Variants in CPQ observed in about 807,000 individuals in gnomAD.
CPQ encodes carboxypeptidase Q, also known as Ser-Met dipeptidase.
In CPQ, 37 loss-of-function variants were observed where a neutral mutation model predicts 45.7. The observed-to-expected ratio is 0.81, with a 90% CI of 0.62 to 1.07. The LOEUF is 1.07. Among genes scored for constraint, CPQ ranks in the 50% least tolerant of loss-of-function variants. The probability of loss-of-function intolerance (pLI) is 0.00; values close to 1 mark genes in which losing one functional copy is unlikely to be tolerated. For missense variants in CPQ, 537 were observed against 572.9 expected (o/e 0.94, Z 0.64); for synonymous variants, 186 against 205.8 (o/e 0.90, Z 0.82).
Position 97,029,400 on chromosome 8 carries a change from C to T in CPQ, c.962-3C>T. On this transcript the variant is annotated splice_region_variant and splice_polypyrimidine_tract_variant and intron_variant, in intron 5 of 7. Transcript: ENST00000220763. ...TCACTTTTTTATTTTATTATTTTCCCAGGGCTGCGTCCAAAGAGGACTCTG... is the reference window on the plus strand; with the variant it reads ...TCACTTTTTTATTTTATTATTTTCCTAGGGCTGCGTCCAAAGAGGACTCTG... 1 of 1,597,104 alleles carries T rather than the reference C, an allele frequency of 6.3e-7. No homozygotes were observed. Among genetic ancestry groups the T allele is most frequent in the Middle Eastern group, 1.7e-4 (1 of 5,984 alleles).
intron 6 of CPQ, among the ~76,000 whole-genome samples, chr8:97,029,815 A>G (rs1809866470): frequency 6.6e-6 from 1 of 151,972 alleles, no homozygotes; most frequent in Non-Finnish European, 1.5e-5. Context: ...ATAGGCAAAC[A>G]TTCCCTCTCC....
chr8:96,676,892 G>A (rs531310183), intron 1 of CPQ, among the ~76,000 whole-genome samples: 1 of 151,910 alleles, frequency 6.6e-6, no homozygotes, highest in Non-Finnish European at 1.5e-5. Flanking sequence ...CATCCTCATA[G>A]CTTAGCTCCC....
intron 3 of CPQ, among the ~76,000 whole-genome samples, chr8:96,847,078 T>C (rs1013655730): frequency 2.0e-5 from 3 of 152,192 alleles, no homozygotes; most frequent in Non-Finnish European, 2.9e-5. Context: ...AGGAAACAAA[T>C]AATGTCACTT....
intron 1 of CPQ, among the ~76,000 whole-genome samples, chr8:96,716,189 G>A (rs1332067421): frequency 6.6e-6 from 1 of 152,218 alleles, no homozygotes; most frequent in Non-Finnish European, 1.5e-5. Flanking sequence ...TGCAGATGGT[G>A]TAATGGACTG....
intron 1 of CPQ, among the ~76,000 whole-genome samples, chr8:96,689,651 T>C (rs1809278383): frequency 6.6e-6 from 1 of 152,174 alleles, no homozygotes; most frequent in African/African-American, 2.4e-5. Context: ...TTTTTTCTTA[T>C]TTCCTTGAGG....
At chr8:96,696,712 A>C (rs926690451) in intron 1 of CPQ, among the ~76,000 whole-genome samples, 3 of 151,888 alleles carry the variant, frequency 2.0e-5, no homozygotes, top group Non-Finnish European at 4.4e-5. Context: ...CAGAAATTCA[A>C]AGGATCATTA....
intron 1 of CPQ, among the ~76,000 whole-genome samples, chr8:96,780,490 T>A (rs893862259): frequency 2.0e-5 from 3 of 152,066 alleles, no homozygotes; most frequent in Non-Finnish European, 2.9e-5. Context: ...TGAACACAAA[T>A]GTGCAATTTA....
At chr8:96,908,977 T>G (rs1812620549) in intron 4 of CPQ, among the ~76,000 whole-genome samples, 2 of 152,214 alleles carry the variant, frequency 1.3e-5, no homozygotes, top group African/African-American at 4.8e-5. Context: ...CAACTGTATT[T>G]CTAAAGCTTG....
intron 4 of CPQ, among the ~76,000 whole-genome samples, chr8:96,936,778 A>G (rs916494897): frequency 4.6e-5 from 7 of 152,256 alleles, no homozygotes; most frequent in East Asian, 3.9e-4. Context: ...TCTTCTCACA[A>G]TTTTATCACC....
intron 2 of CPQ, among the ~76,000 whole-genome samples, chr8:96,822,896 C>G (rs1039559631): frequency 6.6e-6 from 1 of 152,018 alleles, no homozygotes; most frequent in Non-Finnish European, 1.5e-5. Context: ...TTCTGTCCCC[C>G]TCATTCTTCA....
At chr8:96,742,131 A>G (rs1292158058) in intron 1 of CPQ, among the ~76,000 whole-genome samples, 1 of 148,684 alleles carries the variant, frequency 6.7e-6, no homozygotes, top group Non-Finnish European at 1.5e-5. Context: ...TAGGTCACTC[A>G]GGACTTGCTT....
intron 7 of CPQ, among the ~76,000 whole-genome samples, chr8:97,112,317 A>G (rs1010706495): frequency 2.0e-5 from 3 of 152,130 alleles, no homozygotes; most frequent in African/African-American, 7.2e-5. Context: ...ATCTTAGTAA[A>G]AGTACAAGGA....
chr8:96,898,963 T>C (rs1812479700), intron 4 of CPQ, among the ~76,000 whole-genome samples: 2 of 152,038 alleles, frequency 1.3e-5, no homozygotes, highest in South Asian at 4.2e-4. Flanking sequence ...TATTAATAAA[T>C]GTCCCCCTAT....
intron 3 of CPQ, among the ~76,000 whole-genome samples, chr8:96,862,083 C>T (rs1294123721): frequency 1.3e-5 from 2 of 151,952 alleles, no homozygotes; most frequent in Non-Finnish European, 2.9e-5. Flanking sequence ...AGGAGGACAG[C>T]TTGTTTGATG....
intron 5 of CPQ, among the ~76,000 whole-genome samples, chr8:97,024,592 G>A (rs2130461903): frequency 6.6e-6 from 1 of 152,214 alleles, no homozygotes; most frequent in East Asian, 1.9e-4. Flanking sequence ...GTCTAACCAT[G>A]TCCCTATTTT....
chr8:96,918,221 AT>A (rs1396220676), intron 4 of CPQ, among the ~76,000 whole-genome samples: 1 of 152,082 alleles, frequency 6.6e-6, no homozygotes, highest in Non-Finnish European at 1.5e-5. Context: ...GTTCACATCA[AT>A]TTGTCTAAAA....
intron 4 of CPQ, among the ~76,000 whole-genome samples, chr8:96,947,170 G>C (rs1043276711): frequency 6.6e-6 from 1 of 152,162 alleles, no homozygotes. Context: ...GGTTTCTCTA[G>C]AGTGAGATAT....
chr8:96,847,157 G>A (rs562149140), intron 3 of CPQ, among the ~76,000 whole-genome samples: 7 of 152,272 alleles, frequency 4.6e-5, no homozygotes, highest in African/African-American at 1.7e-4. Context: ...TTATCGAAAG[G>A]TAGCATTCCA....
intron 7 of CPQ, among the ~76,000 whole-genome samples, chr8:97,125,483 C>T (rs1422196907): frequency 6.6e-6 from 1 of 152,014 alleles, no homozygotes; most frequent in Non-Finnish European, 1.5e-5. Flanking sequence ...AAATTCTTAA[C>T]AAAATATAAG....
Sources: gnomAD v4.1 joint callset for allele counts (sites outside exome capture counted in the v4.1 genomes callset) on GRCh38, gnomAD v4.1.1 for gene constraint, MANE v1.5 for transcripts, NCBI Gene and HGNC (gene_info 2026-07-23, HGNC 2026-07-21) for gene names.